TBCE: variants seen among roughly 807,000 people sequenced by gnomAD.
The protein encoded by TBCE is tubulin-specific chaperone E.
Under a neutral mutation model 77.0 loss-of-function variants are expected in TBCE, and 53 were observed. That is an observed-to-expected ratio of 0.69 (90% CI 0.55 to 0.87). The LOEUF is 0.87. TBCE is among the 40% of genes least tolerant of loss of function. The pLI is 0.00. For missense variants in TBCE, 624 were observed against 622.4 expected, an observed-to-expected ratio of 1.00 and a Z score of -0.03; for synonymous variants, 235 against 241.3, an observed-to-expected ratio of 0.97 and a Z score of 0.24.
chr1:235,448,607 G>C, intron 16 of TBCE, 63 bp from the exon 17 acceptor site: 1 of 1,451,754 alleles, frequency 6.9e-7, no homozygotes, highest in Non-Finnish European at 9.7e-7. Context: ...GGAAGAGTAT[G>C]TGTAGCATGC....
intron 8 of TBCE, among the ~76,000 whole-genome samples, chr1:235,435,347 C>A (rs1177722641): frequency 6.6e-6 from 1 of 152,074 alleles, no homozygotes; most frequent in African/African-American, 2.4e-5. Flanking sequence ...ATGATCCACC[C>A]GCCTCGGCCT....
At chr1:235,438,451 G>A (rs1190512240) in intron 12 of TBCE, among the ~76,000 whole-genome samples, 1 of 151,814 alleles carries the variant, frequency 6.6e-6, no homozygotes, top group Non-Finnish European at 1.5e-5. Context: ...CAGAGGCTGA[G>A]GCAGGAGAAT....
chr1:235,416,660 A>T (rs1356005957), intron 4 of TBCE, among the ~76,000 whole-genome samples: 1 of 152,232 alleles, frequency 6.6e-6, no homozygotes, highest in Non-Finnish European at 1.5e-5. Flanking sequence ...CCCCTAGTTT[A>T]TGAACAGCTA....
chr1:235,432,860 A>G (rs1681182019), intron 7 of TBCE: 1 of 527,136 alleles, frequency 1.9e-6, no homozygotes, highest in African/African-American at 2.1e-5. Context: ...TGTAGATGCT[A>G]TATATATATT....
In TBCE at chr1:235,450,559, G is replaced by A; in HGVS notation, c.*1797G>A. On this transcript the variant is annotated 3_prime_UTR_variant, in exon 17 of 17. Coordinates refer to ENST00000642610, the MANE Select transcript of TBCE (RefSeq NM_003193.5). ...CTGTGGCTGTGGAATACAGAAACAA[G>A]GCGGTGTGTGGATGAAGAGTTAGTC... 1 of 510,108 alleles carries A rather than the reference G, an allele frequency of 2.0e-6. No homozygotes were observed. Among genetic ancestry groups the A allele is most frequent in the Non-Finnish European group, 3.5e-6 (1 of 285,158 alleles). The allele number at this position is 510,108 out of a possible 1,614,324, so 31.6% of individuals were successfully genotyped here.
In TBCE at chr1:235,436,628, T is replaced by C; in HGVS notation, c.963+20T>C. Reference sequence around the variant, plus strand: ...TCACAAGTAAGAGCTGCTCGGAGTATGCCCAGCACACTGTTGCCTCTTTCC... The same window carrying C: ...TCACAAGTAAGAGCTGCTCGGAGTACGCCCAGCACACTGTTGCCTCTTTCC... On this transcript the variant is annotated intron_variant, in intron 11 of 16. Coordinates refer to ENST00000642610, the MANE Select transcript of TBCE (RefSeq NM_003193.5). The C allele has an allele frequency of 6.2e-7, 1 of 1,603,910 alleles. No individual in the cohort carries two copies. Among genetic ancestry groups the C allele is most frequent in the Non-Finnish European group, 8.5e-7 (1 of 1,170,638 alleles).
At chr1:235,437,840 A>AT (rs1681564632) in intron 12 of TBCE, among the ~76,000 whole-genome samples, 1 of 151,570 alleles carries the variant, frequency 6.6e-6, no homozygotes, top group Non-Finnish European at 1.5e-5. Flanking sequence ...AAAAAAAAAA[A>AT]GTAAAAAAAT....
At chr1:235,396,685 A>G (rs1678741890) in intron 2 of TBCE, among the ~76,000 whole-genome samples, 1 of 152,122 alleles carries the variant, frequency 6.6e-6, no homozygotes, top group African/African-American at 2.4e-5. Context: ...AACTGGAGTG[A>G]TGTGATATCT....
At chr1:235,442,321 C>A in intron 14 of TBCE, among the ~76,000 whole-genome samples, 1 of 152,186 alleles carries the variant, frequency 6.6e-6, no homozygotes, top group East Asian at 1.9e-4. Flanking sequence ...CAGGCATGCG[C>A]CACCACACCC....
In TBCE at chr1:235,434,067, C is replaced by CAT. The variant is rs10647757; in HGVS notation, c.661-136_661-135insTA. The CAT allele has an allele frequency of 6.7e-3, 5,280 of 792,996 alleles. 181 individuals carry two copies. In the African/African-American group the frequency reaches 0.076, roughly 11 times the overall value. The allele number at this position is 792,996 out of a possible 1,614,324, so 49.1% of individuals were successfully genotyped here. A position where few individuals can be genotyped will look rare whatever the true frequency, so the allele number is the denominator to read the frequency against. ...CCCCACCACTATTCCAGGCCTGAAA[C>CAT]AGTCTTATGAACTGTCCGTGAGGCA... On this transcript the variant is annotated intron_variant, in intron 7 of 16. Coordinates refer to ENST00000642610, the MANE Select transcript of TBCE (RefSeq NM_003193.5).
At chr1:235,446,928 G>A (rs989741667) in intron 15 of TBCE, among the ~76,000 whole-genome samples, 1 of 152,062 alleles carries the variant, frequency 6.6e-6, no homozygotes, top group Non-Finnish European at 1.5e-5. Context: ...TGATCCCTCT[G>A]CCTCCCAAAG....
chr1:235,382,378 A>G (rs1677731281), intron 2 of TBCE, among the ~76,000 whole-genome samples: 1 of 152,202 alleles, frequency 6.6e-6, no homozygotes. Context: ...TAGATCCCCA[A>G]GGAATCGCCA....
chr1:235,414,349 T>G, intron 3 of TBCE, 84 bp from the exon 4 acceptor site: 1 of 1,395,684 alleles, frequency 7.2e-7, no homozygotes, highest in Non-Finnish European at 1.0e-6. Context: ...CATGTAGAAA[T>G]TTTTGAAGAC....
intron 3 of TBCE, among the ~76,000 whole-genome samples, chr1:235,409,321 TCTC>T (rs954638075): frequency 2.0e-5 from 3 of 152,126 alleles, no homozygotes; most frequent in Non-Finnish European, 4.4e-5. Context: ...CTCCCTGTAT[TCTC>T]CTCCTCACCA....
Position 235,437,340 on chromosome 1 carries a change from C to T in TBCE, c.982C>T (p.Leu328=). 1 of 1,613,948 alleles carries T rather than the reference C, an allele frequency of 6.2e-7. No individual in the cohort carries two copies. Among genetic ancestry groups the T allele is most frequent in the Non-Finnish European group, 8.5e-7 (1 of 1,179,974 alleles). The change falls in exon 12 of 17, where the codon CTA becomes TTA. Residue 328 remains leucine, a synonymous_variant. Coordinates refer to ENST00000642610, the MANE Select transcript of TBCE (RefSeq NM_003193.5). The part of the protein sequence containing the change: ...QISQWSFFNE[L]EKLPSLRALS... The stretch of plus-strand genomic sequence containing the variant: ...GTTTCAGTGGTCGTTTTTCAATGAG[C>T]TAGAGAAGTTACCAAGTCTACGGGC...
chr1:235,379,794 C>G (rs1677510409), intron 1 of TBCE, among the ~76,000 whole-genome samples: 2 of 151,684 alleles, frequency 1.3e-5, no homozygotes, highest in African/African-American at 4.8e-5. Flanking sequence ...ACTGAAAATA[C>G]AAAAATTGGC....
intron 1 of TBCE, among the ~76,000 whole-genome samples, chr1:235,379,238 T>C (rs1453506044): frequency 1.3e-5 from 2 of 152,052 alleles, no homozygotes; most frequent in Non-Finnish European, 1.5e-5. Flanking sequence ...CCTAAAAACA[T>C]GTTTCTAGGC....
At position 235,438,821 on chromosome 1, in the gene TBCE, G is replaced by A; in HGVS notation, c.1169G>A (p.Gly390Glu). The change falls in exon 13 of 17, where the codon GGA (glycine) becomes GAA (glutamate). Residue 390 changes from glycine to glutamate, a missense_variant. Physicochemically the swap from Gly to Glu is moderately conservative, Grantham distance 98. Transcript: ENST00000642610. ...GAGCTTGACTACCGAAAAGCTTTTGGAAATGAGTGGAAACAGGCTGGTGGA... is the reference window on the plus strand; with the variant it reads ...GAGCTTGACTACCGAAAAGCTTTTGAAAATGAGTGGAAACAGGCTGGTGGA... ...RAELDYRKAFGNEWKQAGGHK... is the reference protein window; with the variant it reads ...RAELDYRKAFENEWKQAGGHK... 1 of 1,614,124 alleles carries A rather than the reference G, an allele frequency of 6.2e-7. No individual in the cohort carries two copies. The highest frequency in any genetic ancestry group is 8.5e-7 in the Non-Finnish European group (1 of 1,180,024).
chr1:235,391,585 T>C (rs1243616836), intron 2 of TBCE, among the ~76,000 whole-genome samples: 1 of 148,090 alleles, frequency 6.8e-6, no homozygotes, highest in African/African-American at 2.5e-5. Context: ...TACCATACCA[T>C]ATTTGCTTCA....
Sources: gnomAD v4.1 joint callset for allele counts (sites outside exome capture counted in the v4.1 genomes callset) on GRCh38, gnomAD v4.1.1 for gene constraint, MANE v1.5 for transcripts, NCBI Gene and HGNC (gene_info 2026-07-23, HGNC 2026-07-21) for gene names.